Variants in ZNF438 observed in about 807,000 individuals in gnomAD.
ZNF438 encodes the protein zinc finger protein 438.
A neutral mutation model predicts 38.0 loss-of-function variants in ZNF438; 25 were observed. The ratio of observed to expected loss-of-function variants is 0.66; its 90% confidence interval spans 0.48 to 0.92. ZNF438 has a LOEUF of 0.92. Among genes scored for constraint, ZNF438 ranks in the 40% least tolerant of loss-of-function variants. ZNF438 has a pLI of 0.00. For synonymous variants in ZNF438, 372 were observed against 364.1 expected, an observed-to-expected ratio of 1.02 and a Z score of -0.25; for missense variants, 1,007 against 999.6, an observed-to-expected ratio of 1.01 and a Z score of -0.10.
intron 4 of ZNF438, among the ~76,000 whole-genome samples, chr10:30,866,334 T>A (rs61843571): frequency 6.6e-6 from 1 of 152,108 alleles, no homozygotes; most frequent in Admixed American, 6.5e-5. Context: ...CTGAAATATG[T>A]TGAATGAACA....
intron 1 of ZNF438, among the ~76,000 whole-genome samples, chr10:31,015,036 C>CT (rs1232877299): frequency 6.6e-6 from 1 of 152,078 alleles, no homozygotes. Context: ...TAAAAGAAAA[C>CT]TTTTTTTGTA....
At chr10:31,016,783 T>C (rs2056226120) in intron 1 of ZNF438, among the ~76,000 whole-genome samples, 1 of 152,252 alleles carries the variant, frequency 6.6e-6, no homozygotes, top group Non-Finnish European at 1.5e-5. Flanking sequence ...TGGCTTCATC[T>C]GGCTACAAGG....
intron 1 of ZNF438, among the ~76,000 whole-genome samples, chr10:31,027,981 C>T (rs2057048527): frequency 6.6e-6 from 1 of 151,966 alleles, no homozygotes; most frequent in Non-Finnish European, 1.5e-5. Context: ...ATTGTGACAA[C>T]TGTTGAGGTT....
chr10:31,016,058 CCAAT>C (rs1404058775), intron 1 of ZNF438, among the ~76,000 whole-genome samples: 11 of 151,946 alleles, frequency 7.2e-5, no homozygotes, highest in African/African-American at 2.7e-4. Flanking sequence ...TCCACAGTGA[CCAAT>C]AATAATAAAA....
chr10:30,993,203 A>G (rs897786089), intron 1 of ZNF438, among the ~76,000 whole-genome samples: 5 of 152,244 alleles, frequency 3.3e-5, no homozygotes, highest in African/African-American at 9.6e-5. Flanking sequence ...GAGGCTATTC[A>G]TCAGGACAAT....
At chr10:30,934,601 A>T (rs746454693) in intron 2 of ZNF438, among the ~76,000 whole-genome samples, 9 of 152,262 alleles carry the variant, frequency 5.9e-5, no homozygotes, top group Non-Finnish European at 8.8e-5. Flanking sequence ...CATTTTTGAA[A>T]AGCAGTTTTG....
chr10:31,022,012 T>C (rs1395338836), intron 1 of ZNF438, among the ~76,000 whole-genome samples: 3 of 152,086 alleles, frequency 2.0e-5, no homozygotes, highest in African/African-American at 4.8e-5. Context: ...CCTCAGGACC[T>C]GAAGGAAAAT....
At chr10:30,957,531 G>C (rs949007202) in intron 1 of ZNF438, among the ~76,000 whole-genome samples, 1 of 152,080 alleles carries the variant, frequency 6.6e-6, no homozygotes, top group Non-Finnish European at 1.5e-5. Context: ...AATCCATTTT[G>C]AGTTGATGTT....
In ZNF438 at chr10:30,848,542, T is replaced by C. The variant is rs76830264; in HGVS notation, c.1863A>G (p.Gly621=). The change falls in exon 5 of 6, where the codon GGA becomes GGG. Residue 621 remains glycine, a synonymous_variant. Transcript: ENST00000413025. ...ACATTGGCACTCACCTCTCCAATGA[T>C]CCCTCCATGCCTCGCACACTCATGT... 1,227 of 1,611,464 alleles carry C rather than the reference T, an allele frequency of 7.6e-4. 20 individuals carry two copies. The East Asian group carries it at 0.025, about 32-fold the overall frequency.
Position 30,915,640 on chromosome 10 carries a change from G to GA in ZNF438, c.-114-6626dup, listed in dbSNP as rs1459338726. 4.6e-5 allele frequency among the ~76,000 whole-genome samples: 7 copies of GA among 151,840 alleles called. No homozygotes were observed. The East Asian group carries it at 5.8e-4, about 13-fold the overall frequency. The stretch of plus-strand genomic sequence containing the variant: ...CAGATTTTTCAGGAAGTGCAGAGAT[G>GA]AAAAAATCTATAAATATCTTGAAAA... On this transcript the variant is annotated intron_variant, in intron 2 of 5. Transcript: ENST00000413025.
At chr10:30,849,447 G>C (rs375790344) in exon 5 of ZNF438, 1 of 1,614,028 alleles carries the variant, frequency 6.2e-7, no homozygotes, top group African/African-American at 1.3e-5. Context: ...TTAGGTCCTG[G>C]TAAAGAAAAA....
At chr10:31,024,875 G>A (rs1171626879) in intron 1 of ZNF438, among the ~76,000 whole-genome samples, 2 of 152,050 alleles carry the variant, frequency 1.3e-5, no homozygotes, top group Non-Finnish European at 2.9e-5. Context: ...CAACAATAAA[G>A]GGAATTCACA....
At chr10:30,895,868 A>T (rs2041261731) in intron 3 of ZNF438, among the ~76,000 whole-genome samples, 1 of 152,236 alleles carries the variant, frequency 6.6e-6, no homozygotes. Flanking sequence ...GTTGGTGAGG[A>T]TATGGAGGAA....
chr10:30,938,690 C>G (rs907963678), intron 2 of ZNF438, among the ~76,000 whole-genome samples: 1 of 152,180 alleles, frequency 6.6e-6, no homozygotes, highest in Non-Finnish European at 1.5e-5. Flanking sequence ...GTTTATGAAG[C>G]ATTTTATGGC....
intron 1 of ZNF438, among the ~76,000 whole-genome samples, chr10:30,974,047 C>T (rs192837093): frequency 2.6e-4 from 39 of 152,296 alleles, no homozygotes; most frequent in Non-Finnish European, 5.1e-4. Context: ...AGCCTAATGG[C>T]TGATTGGTAG....
intron 2 of ZNF438, among the ~76,000 whole-genome samples, chr10:30,931,443 C>T (rs1201876943): frequency 6.6e-6 from 1 of 152,186 alleles, no homozygotes; most frequent in East Asian, 1.9e-4. Flanking sequence ...ATGAACACAT[C>T]ATTGAATCTA....
At chr10:30,874,103 GGTGT>G (rs754046244) in intron 4 of ZNF438, among the ~76,000 whole-genome samples, 1 of 16,814 alleles carries the variant, frequency 5.9e-5, no homozygotes, top group African/African-American at 3.5e-4. Context: ...GGTGTGTGGG[GGTGT>G]GTGTGTGTAT....
intron 2 of ZNF438, among the ~76,000 whole-genome samples, chr10:30,911,238 T>C (rs1186745456): frequency 6.6e-6 from 1 of 152,138 alleles, no homozygotes. Context: ...AGCACTTCTC[T>C]CACCATTTAT....
intron 1 of ZNF438, among the ~76,000 whole-genome samples, chr10:30,951,934 C>T (rs1177217769): frequency 6.6e-6 from 1 of 151,704 alleles, no homozygotes; most frequent in Non-Finnish European, 1.5e-5. Flanking sequence ...AAAGAGCCCG[C>T]ATTGCCAAGT....
Sources: gnomAD v4.1 joint callset for allele counts (sites outside exome capture counted in the v4.1 genomes callset) on GRCh38, gnomAD v4.1.1 for gene constraint, MANE v1.5 for transcripts, NCBI Gene and HGNC (gene_info 2026-07-23, HGNC 2026-07-21) for gene names.